CHD2: variants seen among roughly 807,000 people sequenced by gnomAD.
The protein encoded by CHD2 is chromodomain helicase DNA binding protein 2.
A neutral mutation model predicts 243.9 loss-of-function variants in CHD2; 28 were observed. The ratio of observed to expected loss-of-function variants is 0.11; its 90% CI spans 0.09 to 0.16. The LOEUF is 0.16. Among genes scored for constraint, CHD2 ranks in the 10% least tolerant of loss-of-function variants. The pLI is 1.00. For synonymous variants in CHD2, 775 were observed against 779.0 expected, an observed-to-expected ratio of 0.99 and a Z score of 0.09; for missense variants, 1,386 against 2,209.8, an observed-to-expected ratio of 0.63 and a Z score of 7.47.
chr15:92,953,788 A>G (rs2053582908), intron 14 of CHD2: 2 of 550,332 alleles, frequency 3.6e-6, no homozygotes, highest in South Asian at 2.3e-5. Flanking sequence ...GCAGTATGTG[A>G]GTGGGAATCT....
chr15:92,993,883 GGCTGCAGTGAGTTGAGATCATGCC>G (rs756253552), intron 28 of CHD2, among the ~76,000 whole-genome samples: 57 of 152,298 alleles, frequency 3.7e-4, no homozygotes, highest in East Asian at 3.5e-3. Context: ...AGGAGGCAGA[GGCTGCAGTGAGTTGAGATCATGCC>G]GCTGCAGTGA....
At chr15:92,967,629 G>A (rs1360175787) in intron 17 of CHD2, 116 bp downstream of exon 17, 9 of 618,404 alleles carry the variant, frequency 1.5e-5, no homozygotes, top group South Asian at 8.2e-5. Context: ...AGAGTCTCGC[G>A]ATTCTGCTGC....
intron 17 of CHD2, among the ~76,000 whole-genome samples, chr15:92,969,362 G>A (rs1222432048): frequency 6.6e-6 from 1 of 152,240 alleles, no homozygotes; most frequent in Non-Finnish European, 1.5e-5. Context: ...CGCAATCCCT[G>A]TCCTCAGGCA....
At chr15:92,992,407 A>G (rs1398709431) in intron 27 of CHD2, among the ~76,000 whole-genome samples, 5 of 152,216 alleles carry the variant, frequency 3.3e-5, no homozygotes, top group Non-Finnish European at 7.3e-5. Context: ...TGTGTGCTTC[A>G]TATGACATGG....
intron 16 of CHD2, among the ~76,000 whole-genome samples, chr15:92,966,827 T>C (rs1480141994): frequency 2.0e-5 from 3 of 151,882 alleles, no homozygotes; most frequent in Non-Finnish European, 4.4e-5. Flanking sequence ...GGAGAATCAC[T>C]TGAGCCTGGG....
rs1026030145 is a variant in CHD2 at position 93,015,893 on chromosome 15, C to T, written c.4906+984C>T. On this transcript the variant is annotated intron_variant, in intron 37 of 38. Transcript: ENST00000394196. ...AGGATGTGGAGGAAAGGGAACCCAG[C>T]GCATTGTTGCTGGGAATGTAAGTTA... Among the ~76,000 whole-genome samples the T allele has an allele frequency of 4.6e-5, 7 of 152,104 alleles. No homozygotes were observed. In the East Asian group the frequency reaches 7.7e-4, roughly 17 times the overall value.
At position 92,991,423 on chromosome 15, in the gene CHD2, T is replaced by C. The variant is rs2054118299; in HGVS notation, c.3414-53T>C. ...ATCACAGGATATGCTAGCATCAACA[T>C]AACTAAAGTAAGTCTCTGTTTTTTT... On this transcript the variant is annotated intron_variant, in intron 26 of 38. Coordinates refer to ENST00000394196, the MANE Select transcript of CHD2 (RefSeq NM_001271.4). 4 of 1,359,172 alleles carry C rather than the reference T, an allele frequency of 2.9e-6. No individual in the cohort carries two copies. The Admixed American group carries it at 7.5e-5, about 25-fold the overall frequency. The allele number at this position is 1,359,172 out of a possible 1,614,324, so 84.2% of individuals were successfully genotyped here. A position where few individuals can be genotyped will look rare whatever the true frequency, so the allele number is the denominator to read the frequency against.
In CHD2 at chr15:92,972,391, C is replaced by G; in HGVS notation, c.2479C>G (p.Leu827Val). The G allele has an allele frequency of 3.1e-6, 5 of 1,610,294 alleles. No homozygotes were observed. The highest frequency in any genetic ancestry group is 4.2e-6 in the Non-Finnish European group (5 of 1,178,936). Residue 827 changes from leucine (L) to valine (V), a missense_variant, in exon 19 of 39, where the codon CTA becomes GTA. By Grantham distance (32) the Leu-to-Val change is conservative. Transcript: ENST00000394196. ...AATGTTGGATATCCTGGCTGAATAC[C>G]TAACTATTAAACACTATCCTTTCCA... is the stretch of plus-strand genomic sequence containing the variant. Reference protein sequence around the residue: ...VRMLDILAEYLTIKHYPFQRL... With the variant: ...VRMLDILAEYVTIKHYPFQRL...
chr15:92,979,880 T>G (rs1025602919), intron 22 of CHD2, among the ~76,000 whole-genome samples: 6 of 151,750 alleles, frequency 4.0e-5, no homozygotes, highest in Admixed American at 1.3e-4. Flanking sequence ...ATTGTGCCAC[T>G]GCAGTCCAGC....
chr15:93,021,328 T>C (rs1486211204), intron 38 of CHD2: 1 of 152,234 alleles, frequency 6.6e-6, no homozygotes, highest in Non-Finnish European at 1.5e-5. Flanking sequence ...TCACTGATTA[T>C]GATGTGCCTT....
intron 12 of CHD2, among the ~76,000 whole-genome samples, chr15:92,947,976 C>T (rs1179239570): frequency 6.6e-6 from 1 of 152,190 alleles, no homozygotes; most frequent in Non-Finnish European, 1.5e-5. Context: ...TGAATTTCTC[C>T]TGTAAATTCA....
chr15:93,027,044 G>A lies in CHD2; in HGVS notation c.*2339G>A, dbSNP rs918505003. The A allele has an allele frequency of 6.6e-6, 1 of 152,670 alleles. No individual in the cohort carries two copies. The highest frequency in any genetic ancestry group is 2.4e-5 in the African/African-American group (1 of 41,456). 9.5% of individuals were successfully genotyped at this position (152,670 alleles called of 1,614,324 possible). A position where few individuals can be genotyped will look rare whatever the true frequency, so the allele number is the denominator to read the frequency against. On this transcript the variant is annotated 3_prime_UTR_variant, in exon 39 of 39. Coordinates refer to ENST00000394196, the MANE Select transcript of CHD2 (RefSeq NM_001271.4). Reference sequence around the variant, plus strand: ...TCAGTGCCATATGAAGTAGCAAAAGGCAGTATCGGCCAGATCAGTGTTACA... The same window carrying A: ...TCAGTGCCATATGAAGTAGCAAAAGACAGTATCGGCCAGATCAGTGTTACA...
intron 26 of CHD2, among the ~76,000 whole-genome samples, chr15:92,988,462 A>G (rs908159256): frequency 6.6e-6 from 1 of 151,926 alleles, no homozygotes; most frequent in Non-Finnish European, 1.5e-5. Context: ...ATATTTACTT[A>G]CTCTATTATT....
At chr15:93,017,490 TA>T (rs1412622888) in intron 37 of CHD2, among the ~76,000 whole-genome samples, 2 of 133,238 alleles carry the variant, frequency 1.5e-5, no homozygotes, top group African/African-American at 2.7e-5. Context: ...CATGCCGGGC[TA>T]ATTTTTTTTT....
chr15:92,972,974 T>G (rs904712080), intron 19 of CHD2, among the ~76,000 whole-genome samples: 2 of 152,038 alleles, frequency 1.3e-5, no homozygotes, highest in Non-Finnish European at 2.9e-5. Context: ...TGGGGAGGAT[T>G]AGAGAAAGTC....
At chr15:92,931,967 A>G (rs554277347) in intron 5 of CHD2, among the ~76,000 whole-genome samples, 165 of 151,762 alleles carry the variant, frequency 1.1e-3, no homozygotes, top group African/African-American at 3.9e-3. Context: ...GGTTCAAGCA[A>G]TTCTCCTGCC....
chr15:92,967,193 TCCC>T, intron 16 of CHD2, 129 bp from the exon 17 acceptor site: 1 of 626,782 alleles, frequency 1.6e-6, no homozygotes, highest in Non-Finnish European at 2.7e-6. Context: ...CTTTTTGTTT[TCCC>T]TTCTATTTAA....
At chr15:92,904,337 G>T (rs1567116627) in intron 2 of CHD2, 4 of 594,020 alleles carry the variant, frequency 6.7e-6, no homozygotes, top group Non-Finnish European at 8.5e-6. Flanking sequence ...CGCGCGCCTG[G>T]TAACAGCAGG....
intron 31 of CHD2, among the ~76,000 whole-genome samples, chr15:92,999,116 A>T (rs1025302547): frequency 1.5e-4 from 21 of 138,710 alleles, no homozygotes; most frequent in African/African-American, 5.5e-4. Flanking sequence ...AAAAAAAAAA[A>T]ATTCATTTAA....
Sources: gnomAD v4.1 joint callset for allele counts (sites outside exome capture counted in the v4.1 genomes callset) on GRCh38, gnomAD v4.1.1 for gene constraint, MANE v1.5 for transcripts, NCBI Gene and HGNC (gene_info 2026-07-23, HGNC 2026-07-21) for gene names.